The following MARK4 variants were observed in gnomAD, a reference collection of about 807,000 sequenced individuals.
MARK4 encodes the protein MAP/microtubule affinity-regulating kinase 4.
A neutral mutation model predicts 81.5 loss-of-function variants in MARK4; 19 were observed. The observed-to-expected ratio is 0.23, with a 90% confidence interval of 0.16 to 0.34. The LOEUF (loss-of-function observed/expected upper bound fraction) is 0.34, where lower values mean the gene tolerates loss of function less well. Among genes scored for constraint, MARK4 ranks in the 10% least tolerant of loss-of-function variants. The pLI is 1.00. For missense variants in MARK4, 772 were observed against 1,058.8 expected (o/e 0.73, Z 3.76); for synonymous variants, 436 against 439.0 (o/e 0.99, Z 0.08).
At position 45,302,864 on chromosome 19, in the gene MARK4, C is replaced by G. The variant is rs770171614; in HGVS notation, c.*154C>G. 1 of 1,225,674 alleles carries G rather than the reference C, an allele frequency of 8.2e-7. No individual in the cohort carries two copies. Among genetic ancestry groups the G allele is most frequent in the Non-Finnish European group, 1.1e-6 (1 of 902,624 alleles). The allele number at this position is 1,225,674 out of a possible 1,614,324, so 75.9% of individuals were successfully genotyped here. On this transcript the variant is annotated 3_prime_UTR_variant, in exon 17 of 17. Coordinates refer to ENST00000262891, the MANE Select transcript of MARK4 (RefSeq NM_001199867.2). This position sits in a 1 kb window ranked among gnomAD's most constrained non-coding sequence, Gnocchi z 4.9. ...CAAAGATTGTCCCCTCTGCTGTTCT[C>G]TGGGGCCGCTCAGCACAGAAGAAGG...
At chr19:45,284,816 G>A (rs1284110577) in intron 12 of MARK4, among the ~76,000 whole-genome samples, 2 of 151,878 alleles carry the variant, frequency 1.3e-5, no homozygotes, top group Non-Finnish European at 2.9e-5. Flanking sequence ...TAGGCTGGGC[G>A]CAGTGGCTCT....
At chr19:45,267,463 C>T (rs1970470765) in intron 7 of MARK4, among the ~76,000 whole-genome samples, 2 of 152,320 alleles carry the variant, frequency 1.3e-5, no homozygotes, top group South Asian at 4.1e-4. Flanking sequence ...CAGGCAGCCT[C>T]CTCGAGTACC....
chr19:45,287,522 G>A lies in MARK4; in HGVS notation c.1352G>A (p.Arg451Gln), dbSNP rs1039550856. 1.7e-5 allele frequency: 27 copies of A among 1,560,450 alleles called. No individual in the cohort carries two copies. The highest frequency in any genetic ancestry group is 7.1e-5 in the South Asian group (6 of 84,470). Residue 451 changes from arginine (R) to glutamine (Q), a missense_variant, in exon 13 of 17, where the codon CGG (arginine) becomes CAG (glutamine). Physicochemically the swap from Arg to Gln is conservative, Grantham distance 43. Around this residue, in one of 3 missense-constraint regions of MARK4, gnomAD observed 548 missense variants for 624.3 expected, o/e 0.88. Coordinates refer to ENST00000262891, the MANE Select transcript of MARK4 (RefSeq NM_001199867.2). The stretch of plus-strand genomic sequence containing the variant: ...GGGGAGGCGGAGCTGAAGGAGGAGC[G>A]GCTGCCAGGCCGGAAGGCGAGCTGC... The part of the protein sequence containing the change: ...STGEAELKEE[R>Q]LPGRKASCST...
chr19:45,266,033 C>A (rs1420855164), intron 6 of MARK4, among the ~76,000 whole-genome samples, 192 bp from the exon 7 acceptor site: 1 of 151,882 alleles, frequency 6.6e-6, no homozygotes, highest in African/African-American at 2.4e-5. Flanking sequence ...ATGGGGGTGT[C>A]CTGGGGGAGA....
chr19:45,279,915 GC>G (rs1970649807), intron 10 of MARK4, among the ~76,000 whole-genome samples: 1 of 152,202 alleles, frequency 6.6e-6, no homozygotes. Context: ...TTATCCGCCT[GC>G]CTTAGGGTTG....
At chr19:45,300,023 C>G (rs1385700844) in intron 16 of MARK4, among the ~76,000 whole-genome samples, 168 bp downstream of exon 16, 1 of 152,208 alleles carries the variant, frequency 6.6e-6, no homozygotes, top group African/African-American at 2.4e-5. Flanking sequence ...CATTCCCACC[C>G]AACCCCAAGC....
chr19:45,264,652 C>T, intron 4 of MARK4, 32 bp from the exon 5 acceptor site: 1 of 1,608,570 alleles, frequency 6.2e-7, no homozygotes, highest in Non-Finnish European at 8.5e-7. Flanking sequence ...CCCTTTCTCC[C>T]TAATGCCCTA....
At chr19:45,273,992 G>C (rs376998612) in intron 8 of MARK4, among the ~76,000 whole-genome samples, 14 of 152,334 alleles carry the variant, frequency 9.2e-5, no homozygotes, top group African/African-American at 3.1e-4. Context: ...GCTCACGCCT[G>C]TAATCCCAGC....
At chr19:45,266,958 T>G (rs950871447) in intron 7 of MARK4, among the ~76,000 whole-genome samples, 9 of 151,936 alleles carry the variant, frequency 5.9e-5, no homozygotes, top group African/African-American at 2.2e-4. Context: ...GGTCTCGATC[T>G]CCTGACCTTG....
intron 7 of MARK4, among the ~76,000 whole-genome samples, chr19:45,266,721 A>C (rs1970458540): frequency 2.0e-5 from 3 of 148,666 alleles, no homozygotes; most frequent in Admixed American, 6.7e-5. Flanking sequence ...AGTCACAGGA[A>C]TCTGAGAACT....
chr19:45,278,433 G>A, intron 9 of MARK4, 83 bp from the exon 10 acceptor site: 1 of 1,244,998 alleles, frequency 8.0e-7, no homozygotes. Flanking sequence ...AGGCCTCGGA[G>A]GTTTGGGGCA....
At chr19:45,285,016 G>A (rs1467138320) in intron 12 of MARK4, among the ~76,000 whole-genome samples, 4 of 152,034 alleles carry the variant, frequency 2.6e-5, no homozygotes, top group East Asian at 1.9e-4. Context: ...GCTGGAACCC[G>A]GGAGGCAGAG....
intron 2 of MARK4, 125 bp downstream of exon 2, chr19:45,259,314 CTA>C: frequency 9.9e-7 from 1 of 1,007,812 alleles, no homozygotes; most frequent in Non-Finnish European, 1.4e-6. Context: ...TCCCGACTCT[CTA>C]TGGGACAGGT....
chr19:45,273,502 T>C (rs771302984), intron 8 of MARK4, among the ~76,000 whole-genome samples: 1 of 152,202 alleles, frequency 6.6e-6, no homozygotes, highest in Non-Finnish European at 1.5e-5. Flanking sequence ...GGAATATCTT[T>C]GGCAGCTATT....
At chr19:45,299,264 CAAAACAA>C (rs917879571) in intron 15 of MARK4, among the ~76,000 whole-genome samples, 1 of 151,732 alleles carries the variant, frequency 6.6e-6, no homozygotes, top group Non-Finnish European at 1.5e-5. Context: ...CTCTACAAAA[CAAAACAA>C]AAAACAAAAA....
At chr19:45,284,077 G>T (rs1450243716) in intron 12 of MARK4, among the ~76,000 whole-genome samples, 1 of 151,984 alleles carries the variant, frequency 6.6e-6, no homozygotes, top group South Asian at 2.1e-4. Context: ...GAGTACAGTG[G>T]TGCGATGGTG....
chr19:45,294,476 T>G lies in MARK4; in HGVS notation c.1598+24T>G, dbSNP rs188306297. The G allele has an allele frequency of 1.3e-3, 2,067 of 1,602,828 alleles. 18 individuals are homozygous for G. In the African/African-American group the frequency reaches 0.025, roughly 19 times the overall value. On this transcript the variant is annotated intron_variant, in intron 14 of 16. Transcript: ENST00000262891. The stretch of plus-strand genomic sequence containing the variant: ...AGGTACGGAGGGGGCAGCAACAGGG[T>G]GAGGGGTGGGAAGTAGGGGGTAGGT...
intron 7 of MARK4, 142 bp downstream of exon 7, chr19:45,266,423 C>A (rs904515512): frequency 6.4e-6 from 5 of 784,452 alleles, no homozygotes; most frequent in South Asian, 6.1e-5. Flanking sequence ...CCACACCCAG[C>A]ACCCCCTTGA....
Position 45,299,802 on chromosome 19 carries a change from C to T in MARK4, c.1878-9C>T, listed in dbSNP as rs1260979155. The T allele has an allele frequency of 8.1e-6, 13 of 1,595,490 alleles. No homozygotes were observed. Among genetic ancestry groups the T allele is most frequent in the African/African-American group, 6.7e-5 (5 of 74,358 alleles). ...AGATTAGACACTCTGTCCCCCTCCC[C>T]TCCCCTAGGGTCGCAGACGAACCTG... On this transcript the variant is annotated splice_polypyrimidine_tract_variant and intron_variant, in intron 15 of 16. Transcript: ENST00000262891.
Sources: gnomAD v4.1 joint callset for allele counts (sites outside exome capture counted in the v4.1 genomes callset) on GRCh38, gnomAD v4.1.1 for gene constraint, gnomAD v4.1.1 regional missense constraint, Gnocchi (gnomAD v3.1) non-coding constraint, MANE v1.5 for transcripts, NCBI Gene and HGNC (gene_info 2026-07-23, HGNC 2026-07-21) for gene names.